TOPBP1: variants seen among roughly 807,000 people sequenced by gnomAD.
TOPBP1 encodes DNA topoisomerase II binding protein 1, also known as DNA topoisomerase 2-binding protein 1.
Under a neutral mutation model 167.7 loss-of-function variants are expected in TOPBP1, and 28 were observed. The observed-to-expected ratio is 0.17, with a 90% CI of 0.12 to 0.23. TOPBP1 has a LOEUF of 0.23. Ranked by LOEUF, TOPBP1 falls within the 10% of genes least tolerant of loss-of-function variation. TOPBP1 has a pLI of 1.00. For synonymous variants in TOPBP1, 598 were observed against 611.4 expected (o/e 0.98, Z 0.32); for missense variants, 1,554 against 1,809.6 (o/e 0.86, Z 2.56).
intron 14 of TOPBP1, among the ~76,000 whole-genome samples, chr3:133,633,370 T>G (rs1935555714): frequency 6.6e-6 from 1 of 152,158 alleles, no homozygotes; most frequent in African/African-American, 2.4e-5. Context: ...AGTTAACCCC[T>G]CCTCCCTCTT....
chr3:133,620,886 C>T (rs1935070069), intron 19 of TOPBP1, among the ~76,000 whole-genome samples: 1 of 151,984 alleles, frequency 6.6e-6, no homozygotes, highest in Non-Finnish European at 1.5e-5. Context: ...CCTTCAAAGA[C>T]ATTTCATCAA....
chr3:133,609,987 C>T (rs1467568501), intron 25 of TOPBP1, among the ~76,000 whole-genome samples: 1 of 152,120 alleles, frequency 6.6e-6, no homozygotes, highest in East Asian at 1.9e-4. Flanking sequence ...TAAAGGATTA[C>T]AAAAGGAAGC....
chr3:133,626,344 T>C (rs1400580270), intron 16 of TOPBP1, among the ~76,000 whole-genome samples: 2 of 152,128 alleles, frequency 1.3e-5, no homozygotes, highest in African/African-American at 2.4e-5. Context: ...CAATGTGTGT[T>C]TGTATGTTGG....
intron 19 of TOPBP1, among the ~76,000 whole-genome samples, chr3:133,622,101 T>C (rs1935106449): frequency 1.3e-5 from 2 of 150,918 alleles, no homozygotes; most frequent in African/African-American, 4.9e-5. Context: ...AAGAAGCTCC[T>C]AGTTATCTAC....
In TOPBP1 at chr3:133,635,749, A is replaced by C. The variant is rs1331045185; in HGVS notation, c.2520+2127T>G. Among the ~76,000 whole-genome samples, 4 of 152,228 alleles carry C rather than the reference A, an allele frequency of 2.6e-5. No individual in the cohort carries two copies. The East Asian group carries it at 5.8e-4, about 22-fold the overall frequency. On this transcript the variant is annotated intron_variant, in intron 14 of 27. Coordinates refer to ENST00000260810, the MANE Select transcript of TOPBP1 (RefSeq NM_007027.4). ...AATTTGTCATTCTCTACTGAAGCTG[A>C]AATATAACCCAACAATTTCACTTCC...
chr3:133,616,747 GACT>G (rs1355874754), intron 23 of TOPBP1, 64 bp downstream of exon 23: 4 of 871,084 alleles, frequency 4.6e-6, no homozygotes, highest in Non-Finnish European at 6.8e-6. Context: ...TATTAATATT[GACT>G]ACATTTGACT....
chr3:133,652,584 C>G lies in TOPBP1; in HGVS notation c.968G>C (p.Ser323Thr). ...ATTACATATTGATTCACTTACGCAA[C>G]TTGCATTTATGTTGGAAATATTGCT... ...DVSNISNINA[S>T]CVSESICNSL... is the part of the protein sequence containing the mutation. Residue 323 changes from serine to threonine, a missense_variant, in exon 8 of 28, where the codon AGT (serine) becomes ACT (threonine). Transcript: ENST00000260810. The G allele has an allele frequency of 6.2e-7, 1 of 1,611,256 alleles. No homozygotes were observed. Among genetic ancestry groups the G allele is most frequent in the Non-Finnish European group, 8.5e-7 (1 of 1,179,644 alleles).
chr3:133,622,267 C>T (rs147733941), intron 19 of TOPBP1, among the ~76,000 whole-genome samples: 31 of 149,130 alleles, frequency 2.1e-4, no homozygotes, highest in African/African-American at 6.9e-4. Context: ...CTCGGCTCAC[C>T]GCAACCTCCG....
chr3:133,622,466 TAC>T (rs1409662692), intron 19 of TOPBP1, among the ~76,000 whole-genome samples: 1 of 151,834 alleles, frequency 6.6e-6, no homozygotes, highest in Non-Finnish European at 1.5e-5. Context: ...GTGCTGGGAT[TAC>T]AGACACGAGC....
chr3:133,623,521 G>C, intron 17 of TOPBP1, 64 bp from the exon 18 acceptor site: 1 of 1,508,316 alleles, frequency 6.6e-7, no homozygotes, highest in Non-Finnish European at 8.9e-7. Context: ...ATGATGTTAA[G>C]TAGGATAAGG....
chr3:133,617,972 T>C (rs534860044), intron 21 of TOPBP1, among the ~76,000 whole-genome samples: 12 of 152,296 alleles, frequency 7.9e-5, no homozygotes, highest in African/African-American at 2.9e-4. Flanking sequence ...ACACCATGTC[T>C]AGAAAAAAAC....
chr3:133,647,833 C>T lies in TOPBP1; in HGVS notation c.1504+1550G>A, dbSNP rs77723146. 7.5e-3 allele frequency among the ~76,000 whole-genome samples: 1,146 copies of T among 152,004 alleles called. 10 individuals are homozygous for T. The highest frequency in any genetic ancestry group is 0.026 in the African/African-American group (1,063 of 41,424). On this transcript the variant is annotated intron_variant, in intron 10 of 27. Transcript: ENST00000260810. ...TCTGGAAAAAAATCTGAAGGAATTA[C>T]ACATAATAAATCACAGAAAGACAAA...
At chr3:133,617,517 T>C (rs368298354) in intron 21 of TOPBP1, 191 bp from the exon 22 acceptor site, 18 of 488,402 alleles carry the variant, frequency 3.7e-5, no homozygotes, top group African/African-American at 2.6e-4. Flanking sequence ...GTGACAATAA[T>C]AACAATAAAG....
At position 133,607,445 on chromosome 3, in the gene TOPBP1, T is replaced by G. The variant is rs74430367; in HGVS notation, c.4425+1090A>C. Among the ~76,000 whole-genome samples, 103 of 152,166 alleles carry G rather than the reference T, an allele frequency of 6.8e-4. 1 individual carries two copies. In the East Asian group the frequency reaches 0.018, roughly 27 times the overall value. ...CTGGGTAAATAGGACAGAATTGCTGTGTAATAGAATAAGTAAATATTTCGT... is the reference window on the plus strand; with the variant it reads ...CTGGGTAAATAGGACAGAATTGCTGGGTAATAGAATAAGTAAATATTTCGT... On this transcript the variant is annotated intron_variant, in intron 27 of 27. Transcript: ENST00000260810.
chr3:133,656,106 T>G (rs1243890463), intron 5 of TOPBP1, among the ~76,000 whole-genome samples: 1 of 151,206 alleles, frequency 6.6e-6, no homozygotes, highest in Non-Finnish European at 1.5e-5. Context: ...GAAACTGAAG[T>G]GTGCCCCTTG....
chr3:133,614,608 A>G (rs1326420427), intron 23 of TOPBP1, among the ~76,000 whole-genome samples: 2 of 152,076 alleles, frequency 1.3e-5, no homozygotes, highest in African/African-American at 4.8e-5. Flanking sequence ...TTCTAGATCA[A>G]TTCTCTGCTA....
At chr3:133,609,860 T>G (rs931155574) in intron 25 of TOPBP1, among the ~76,000 whole-genome samples, 2 of 152,230 alleles carry the variant, frequency 1.3e-5, no homozygotes, top group East Asian at 1.9e-4. Flanking sequence ...TTAACCTTTT[T>G]GTAAGCCATG....
In TOPBP1 at chr3:133,616,099, C is replaced by T. The variant is rs141885977; in HGVS notation, c.3871+715G>A. ...ATGTTACATAAGAAGGAGCTCTCTT[C>T]CACACTGAATTCTTTCTTTTCCCTT... On this transcript the variant is annotated intron_variant, in intron 23 of 27. Coordinates refer to ENST00000260810, the MANE Select transcript of TOPBP1 (RefSeq NM_007027.4). 3.9e-3 allele frequency among the ~76,000 whole-genome samples: 594 copies of T among 151,582 alleles called. 3 individuals carry two copies. The highest frequency in any genetic ancestry group is 7.1e-3 in the Non-Finnish European group (485 of 67,882).
intron 19 of TOPBP1, 88 bp from the exon 20 acceptor site, chr3:133,620,435 A>G: frequency 2.3e-6 from 3 of 1,326,478 alleles, no homozygotes; most frequent in Non-Finnish European, 3.1e-6. Flanking sequence ...ACCTGGTTGA[A>G]CACAAACTTA....
Sources: allele counts gnomAD v4.1 joint callset (sites outside exome capture counted in the v4.1 genomes callset), GRCh38; gene constraint gnomAD v4.1.1; transcripts MANE v1.5; gene names NCBI Gene and HGNC (gene_info 2026-07-23, HGNC 2026-07-21).